Variants in ADGB observed in about 807,000 individuals in gnomAD.
The protein encoded by ADGB is calpain-7-like protein.
Under a neutral mutation model 210.5 loss-of-function variants are expected in ADGB, and 172 were observed. That is an observed-to-expected ratio of 0.82 (90% confidence interval 0.72 to 0.93). The LOEUF (loss-of-function observed/expected upper bound fraction) is 0.93. ADGB is among the 40% of genes least tolerant of loss of function. The pLI, the probability that ADGB is intolerant of heterozygous loss-of-function variation, is 0.00. For missense variants in ADGB, 2,025 were observed against 1,964.8 expected (o/e 1.03, Z -0.58); for synonymous variants, 658 against 662.7 (o/e 0.99, Z 0.11).
At chr6:146,607,388 T>C (rs1432321210) in intron 1 of ADGB, among the ~76,000 whole-genome samples, 1 of 152,164 alleles carries the variant, frequency 6.6e-6, no homozygotes, top group Non-Finnish European at 1.5e-5. Context: ...CTTTTATTTA[T>C]TTTTCTTGCC....
chr6:146,715,542 A>G, intron 14 of ADGB, 127 bp downstream of exon 14: 1 of 574,770 alleles, frequency 1.7e-6, no homozygotes, highest in East Asian at 3.3e-5. Flanking sequence ...TGATTTGCTG[A>G]GTCTAGTCTG....
chr6:146,672,490 G>A (rs772175785), intron 8 of ADGB, 23 bp downstream of exon 8: 10 of 1,517,788 alleles, frequency 6.6e-6, no homozygotes, highest in East Asian at 4.9e-5. Flanking sequence ...ACATCAAAAT[G>A]TGATTCAGTA....
intron 35 of ADGB, among the ~76,000 whole-genome samples, chr6:146,808,698 ATATT>A (rs1199424863): frequency 7.2e-5 from 11 of 152,204 alleles, no homozygotes; most frequent in Non-Finnish European, 1.5e-4. Flanking sequence ...GTTATTTAAA[ATATT>A]TATTTATTGA....
At chr6:146,707,639 T>C (rs1375555608) in intron 13 of ADGB, among the ~76,000 whole-genome samples, 1 of 152,170 alleles carries the variant, frequency 6.6e-6, no homozygotes, top group Non-Finnish European at 1.5e-5. Flanking sequence ...TTTTATTTGA[T>C]ATAAATATAG....
intron 35 of ADGB, among the ~76,000 whole-genome samples, chr6:146,814,251 C>A (rs1778348560): frequency 6.6e-6 from 1 of 152,198 alleles, no homozygotes; most frequent in South Asian, 2.1e-4. Context: ...GCAGTCATCT[C>A]TAGAAGAGTC....
intron 7 of ADGB, among the ~76,000 whole-genome samples, chr6:146,669,737 C>A (rs537074460): frequency 1.3e-5 from 2 of 152,176 alleles, no homozygotes; most frequent in South Asian, 4.1e-4. Flanking sequence ...CTTTAAATAA[C>A]AAACTGTTTG....
In ADGB at chr6:146,740,514, GA is replaced by G. The variant is rs1332686367; in HGVS notation, c.2946del (p.Glu983LysfsTer11). On this transcript the variant is annotated frameshift_variant, in exon 24 of 36. Transcript: ENST00000397944. LOFTEE classifies it high-confidence loss of function. Reference sequence around the variant, plus strand: ...GGAATCTTATCCATGCTATCAAGATGAAGAAACTAAGATTGCTTTTGCAGAT... The same window carrying G: ...GGAATCTTATCCATGCTATCAAGATGAGAAACTAAGATTGCTTTTGCAGAT... ...SLESYPCYQD[E>X]ETKIAFADYT... is the part of the protein sequence containing the mutation. 4.5e-6 allele frequency: 7 copies of G among 1,549,462 alleles called. No homozygotes were observed. Among genetic ancestry groups the G allele is most frequent in the Non-Finnish European group, 5.2e-6 (6 of 1,145,492 alleles).
intron 33 of ADGB, among the ~76,000 whole-genome samples, chr6:146,791,076 T>C (rs148133751): frequency 6.6e-6 from 1 of 152,346 alleles, no homozygotes; most frequent in East Asian, 1.9e-4. Context: ...AAGTTCCTTG[T>C]ATGTATTGAA....
intron 35 of ADGB, chr6:146,802,217 A>G: frequency 3.4e-6 from 1 of 295,388 alleles, no homozygotes; most frequent in Non-Finnish European, 6.0e-6. Context: ...AAAATGCAGT[A>G]TTGGGAATCT....
intron 1 of ADGB, among the ~76,000 whole-genome samples, chr6:146,607,915 T>C (rs1780654221): frequency 6.6e-6 from 1 of 152,178 alleles, no homozygotes; most frequent in South Asian, 2.1e-4. Context: ...GCTGGCCTCA[T>C]AGAATGAGAT....
chr6:146,754,939 C>A (rs1223525153), intron 27 of ADGB, among the ~76,000 whole-genome samples: 2 of 152,016 alleles, frequency 1.3e-5, no homozygotes, highest in African/African-American at 2.4e-5. Flanking sequence ...TATACTTTAA[C>A]TGGTGTGAAA....
rs193006650 is a variant in ADGB at position 146,701,027 on chromosome 6, A to G, written c.1664A>G (p.His555Arg). ...AGTGAAACTGATGAAACTGCAACAC[A>G]TAGCCAGACAGACTTGAGTCAAATA... is the stretch of plus-strand genomic sequence containing the variant. Reference protein sequence around the residue: ...SVSETDETATHSQTDLSQITK... With the variant: ...SVSETDETATRSQTDLSQITK... The change falls in exon 13 of 36, where the codon CAT becomes CGT. Residue 555 changes from histidine to arginine, a missense_variant. His to Arg is a conservative substitution (Grantham distance 29). Coordinates refer to ENST00000397944, the MANE Select transcript of ADGB (RefSeq NM_024694.4). The G allele has an allele frequency of 2.8e-4, 439 of 1,551,010 alleles. No homozygotes were observed. In the East Asian group the frequency reaches 4.7e-3, roughly 17 times the overall value.
At chr6:146,794,615 G>T (rs1466117417) in intron 33 of ADGB, among the ~76,000 whole-genome samples, 1 of 151,798 alleles carries the variant, frequency 6.6e-6, no homozygotes, top group Non-Finnish European at 1.5e-5. Flanking sequence ...ACATTTACAT[G>T]CAAAATTAAA....
intron 3 of ADGB, among the ~76,000 whole-genome samples, chr6:146,650,771 G>A (rs1274347981): frequency 6.6e-6 from 1 of 152,076 alleles, no homozygotes; most frequent in Non-Finnish European, 1.5e-5. Context: ...TCAGAGGTAG[G>A]GGCAAGACTA....
intron 3 of ADGB, 115 bp downstream of exon 3, chr6:146,644,980 T>C (rs1583572316): frequency 7.5e-6 from 4 of 535,006 alleles, no homozygotes; most frequent in South Asian, 4.2e-5. Flanking sequence ...TGGTATTCAG[T>C]AAAAAAGTAA....
At chr6:146,731,781 A>G (rs1467031572) in intron 20 of ADGB, among the ~76,000 whole-genome samples, 1 of 152,094 alleles carries the variant, frequency 6.6e-6, no homozygotes, top group Non-Finnish European at 1.5e-5. Flanking sequence ...TTTATTGTAA[A>G]TAATACCATA....
chr6:146,658,289 T>C (rs980398176), intron 5 of ADGB, among the ~76,000 whole-genome samples: 2 of 152,208 alleles, frequency 1.3e-5, no homozygotes, highest in Non-Finnish European at 2.9e-5. Context: ...TAAGTTACTT[T>C]ATCTTATTTA....
intron 33 of ADGB, among the ~76,000 whole-genome samples, chr6:146,793,533 A>G (rs1329983551): frequency 6.6e-6 from 1 of 152,182 alleles, no homozygotes; most frequent in East Asian, 1.9e-4. Context: ...GGTCCTCAGT[A>G]GAAGTTATGA....
intron 1 of ADGB, among the ~76,000 whole-genome samples, chr6:146,606,252 T>G (rs576738201): frequency 6.6e-6 from 1 of 152,280 alleles, no homozygotes; most frequent in African/African-American, 2.4e-5. Context: ...GGTTGCATGT[T>G]TTTTGCTTGT....
Sources: allele counts gnomAD v4.1 joint callset (sites outside exome capture counted in the v4.1 genomes callset), GRCh38; gene constraint gnomAD v4.1.1; transcripts MANE v1.5; gene names NCBI Gene and HGNC (gene_info 2026-07-23, HGNC 2026-07-21).